Variants in SS18 observed in about 807,000 individuals in gnomAD.
SS18 encodes protein SSXT.
A neutral mutation model predicts 72.5 loss-of-function variants in SS18; 28 were observed. That is an observed-to-expected ratio of 0.39 (90% CI 0.29 to 0.53). SS18 has a LOEUF of 0.53. Ranked by LOEUF, SS18 falls within the 20% of genes least tolerant of loss-of-function variation. The probability of loss-of-function intolerance (pLI) is 0.76; values close to 1 mark genes in which losing one functional copy is unlikely to be tolerated. For synonymous variants in SS18, 172 were observed against 164.2 expected, an observed-to-expected ratio of 1.05 and a Z score of -0.37; for missense variants, 518 against 535.3, an observed-to-expected ratio of 0.97 and a Z score of 0.32.
chr18:26,045,390 C>A (rs1384662580), intron 5 of SS18, among the ~76,000 whole-genome samples: 1 of 152,110 alleles, frequency 6.6e-6, no homozygotes, highest in Non-Finnish European at 1.5e-5. Flanking sequence ...TCCAGTTCGA[C>A]GGGTCTCCTT....
At chr18:26,058,773 T>C (rs1216522442) in intron 3 of SS18, among the ~76,000 whole-genome samples, 1 of 152,222 alleles carries the variant, frequency 6.6e-6, no homozygotes, top group Non-Finnish European at 1.5e-5. Context: ...AATCAGAATT[T>C]TAATTTCTTC....
chr18:26,019,674 G>A (rs1430715204), intron 10 of SS18, among the ~76,000 whole-genome samples: 1 of 151,648 alleles, frequency 6.6e-6, no homozygotes, highest in Admixed American at 6.6e-5. Flanking sequence ...AGCTGGGCGT[G>A]GTGGCGCACA....
intron 3 of SS18, among the ~76,000 whole-genome samples, chr18:26,073,783 A>G (rs1389066586): frequency 2.0e-5 from 3 of 152,234 alleles, no homozygotes; most frequent in Non-Finnish European, 2.9e-5. Flanking sequence ...ATTATCTGTC[A>G]CAAAGTAAAA....
At position 26,090,288 on chromosome 18, in the gene SS18, C is replaced by G. The variant is rs537279576; in HGVS notation, c.69+213G>C. Reference sequence around the variant, plus strand: ...GGGCTTTTGTGTCTGTAGAAAAACGCGTAAATGCGTGAAAGACTCCGAGAA... The same window carrying G: ...GGGCTTTTGTGTCTGTAGAAAAACGGGTAAATGCGTGAAAGACTCCGAGAA... On this transcript the variant is annotated intron_variant, in intron 1 of 10. Coordinates refer to ENST00000415083, the MANE Select transcript of SS18 (RefSeq NM_001007559.3). Among the ~76,000 whole-genome samples the G allele has an allele frequency of 1.7e-4, 26 of 152,318 alleles. No individual in the cohort carries two copies. In the East Asian group the frequency reaches 5.0e-3, roughly 29 times the overall value.
intron 2 of SS18, among the ~76,000 whole-genome samples, chr18:26,079,697 C>T (rs969154188): frequency 2.6e-5 from 4 of 152,224 alleles, no homozygotes; most frequent in African/African-American, 4.8e-5. Flanking sequence ...ATCCTCCCAC[C>T]TCAGCCTCCC....
At chr18:26,067,418 T>C (rs1184921838) in intron 3 of SS18, among the ~76,000 whole-genome samples, 2 of 152,212 alleles carry the variant, frequency 1.3e-5, no homozygotes, top group Non-Finnish European at 2.9e-5. Context: ...TCCCCCTTTT[T>C]ACAGCAGGGA....
chr18:26,065,224 C>G (rs1383186229), intron 3 of SS18, among the ~76,000 whole-genome samples: 1 of 152,068 alleles, frequency 6.6e-6, no homozygotes, highest in Non-Finnish European at 1.5e-5. Context: ...ACTCACAAGC[C>G]AATTCTAAAC....
chr18:26,055,975 T>A (rs1323705634), intron 4 of SS18, among the ~76,000 whole-genome samples: 1 of 152,090 alleles, frequency 6.6e-6, no homozygotes, highest in Non-Finnish European at 1.5e-5. Context: ...GCCAGGATGG[T>A]CTCAATCTCT....
intron 5 of SS18, among the ~76,000 whole-genome samples, chr18:26,047,844 C>T (rs1478727137): frequency 6.6e-6 from 1 of 151,988 alleles, no homozygotes; most frequent in Admixed American, 6.6e-5. Context: ...AGTGAGACTC[C>T]GTCTCAAAAA....
At chr18:26,064,640 T>G (rs573544876) in intron 3 of SS18, among the ~76,000 whole-genome samples, 5 of 152,222 alleles carry the variant, frequency 3.3e-5, no homozygotes, top group Admixed American at 2.0e-4. Context: ...TTACAGCCAA[T>G]GTCATCTTAC....
chr18:26,090,515 CG>C lies in SS18; in HGVS notation c.54del (p.Ala19LeufsTer17). On this transcript the variant is annotated frameshift_variant, in exon 1 of 11. Coordinates refer to ENST00000415083, the MANE Select transcript of SS18 (RefSeq NM_001007559.3). LOFTEE classifies it high-confidence loss of function. ...PRQRGKGEIT[P>X]AAIQKMLDDN... ...CGCGGTTTCACCTTCTGAATCGCAG[CG>C]GGAGTGATCTCCCCCTTGCCTCGCT... The C allele has an allele frequency of 6.3e-7, 1 of 1,581,046 alleles. No individual in the cohort carries two copies. Among genetic ancestry groups the C allele is most frequent in the South Asian group, 1.2e-5 (1 of 86,094 alleles).
intron 1 of SS18, chr18:26,089,822 C>T (rs2054684073): frequency 6.6e-6 from 1 of 152,330 alleles, no homozygotes; most frequent in South Asian, 2.1e-4. Flanking sequence ...GACCATGACT[C>T]ACCACAGTAG....
At chr18:26,037,380 AGAC>A (rs1459912442) in intron 7 of SS18, among the ~76,000 whole-genome samples, 1 of 152,074 alleles carries the variant, frequency 6.6e-6, no homozygotes, top group Admixed American at 6.6e-5. Context: ...TATTTTCAGC[AGAC>A]TTCTTAATAC....
chr18:26,032,417 C>T lies in SS18; in HGVS notation c.1212G>A (p.Arg404=), dbSNP rs773812449. The T allele has an allele frequency of 1.2e-6, 2 of 1,613,820 alleles. No homozygotes were observed. Among genetic ancestry groups the T allele is most frequent in the East Asian group, 4.5e-5 (2 of 44,872 alleles). Residue 404 remains arginine, a synonymous_variant, in exon 10 of 11, where the codon AGG becomes AGA. Coordinates refer to ENST00000415083, the MANE Select transcript of SS18 (RefSeq NM_001007559.3). ...QPGPPQPPQQ[R]PYGYDQGQYG... is the part of the protein sequence containing the mutation. The stretch of plus-strand genomic sequence containing the variant: ...TACTTACCTGGTCATATCCATAAGG[C>T]CTCTGCTGGGGTGGCTGTGGTGGTC...
At position 26,035,517 on chromosome 18, in the gene SS18, T is replaced by TA. The variant is rs2053612025; in HGVS notation, c.973+313dup. The TA allele has an allele frequency of 3.5e-6, 1 of 289,088 alleles. No homozygotes were observed. Among genetic ancestry groups the TA allele is most frequent in the African/African-American group, 2.2e-5 (1 of 46,232 alleles). 17.9% of individuals were successfully genotyped at this position (289,088 alleles called of 1,614,324 possible). On this transcript the variant is annotated intron_variant, in intron 8 of 10. Coordinates refer to ENST00000415083, the MANE Select transcript of SS18 (RefSeq NM_001007559.3). The surrounding 1 kb of genome is among the most constrained non-coding windows in gnomAD (Gnocchi z 4.4). ...AAGGCACTATACTTATATGTAAAAT[T>TA]ATACATATGTAAACACACACGAGAA...
intron 10 of SS18, among the ~76,000 whole-genome samples, chr18:26,026,592 T>A (rs187149629): frequency 1.2e-3 from 187 of 152,202 alleles, no homozygotes; most frequent in African/African-American, 4.3e-3. Flanking sequence ...AGATGTCTAC[T>A]CTCACCATTT....
intron 7 of SS18, among the ~76,000 whole-genome samples, chr18:26,037,469 T>TA (rs537667037): frequency 3.1e-4 from 47 of 152,158 alleles, no homozygotes; most frequent in African/African-American, 1.1e-3. Context: ...GTTTTTAATT[T>TA]AAAAAAATCT....
At chr18:26,042,815 T>G (rs1248814939) in intron 5 of SS18, among the ~76,000 whole-genome samples, 1 of 152,014 alleles carries the variant, frequency 6.6e-6, no homozygotes. Context: ...TTTAAATACT[T>G]AACTATAAGG....
chr18:26,044,427 G>A (rs1480794918), intron 5 of SS18, among the ~76,000 whole-genome samples: 65 of 151,018 alleles, frequency 4.3e-4, no homozygotes, highest in Non-Finnish European at 4.4e-5. Context: ...AGGTTCAAGC[G>A]ATTCTCCTGC....
Sources: allele counts gnomAD v4.1 joint callset (sites outside exome capture counted in the v4.1 genomes callset), GRCh38; gene constraint gnomAD v4.1.1; non-coding constraint Gnocchi (gnomAD v3.1); transcripts MANE v1.5; gene names NCBI Gene and HGNC (gene_info 2026-07-23, HGNC 2026-07-21).